The following PLEKHG4B variants were observed in gnomAD, a reference collection of about 807,000 sequenced individuals.
The protein encoded by PLEKHG4B is pleckstrin homology domain-containing family G member 4B.
Under a neutral mutation model 121.3 loss-of-function variants are expected in PLEKHG4B, and 111 were observed. That is an observed-to-expected ratio of 0.92 (90% CI 0.78 to 1.07). PLEKHG4B has a LOEUF of 1.07. PLEKHG4B is among the 50% of genes least tolerant of loss of function. The pLI is 0.00. For synonymous variants in PLEKHG4B, 738 were observed against 725.0 expected (o/e 1.02, Z -0.29); for missense variants, 1,831 against 1,757.8 (o/e 1.04, Z -0.74).
intron 12 of PLEKHG4B, 30 bp from the exon 13 acceptor site, chr5:162,692 G>A: frequency 7.1e-7 from 1 of 1,414,386 alleles, no homozygotes; most frequent in Non-Finnish European, 9.3e-7. Context: ...CTCCTCCACT[G>A]CACTGAGCAG....
Position 134,053 on chromosome 5 carries a change from G to A in PLEKHG4B, c.244-5430G>A, listed in dbSNP as rs552200021. On this transcript the variant is annotated intron_variant, in intron 2 of 19. Coordinates refer to ENST00000637938, the MANE Select transcript of PLEKHG4B (RefSeq NM_052909.5). ...ATATATATAGATAGAATATATATATGATAGAATATATATATATGATAGAAT... is the reference window on the plus strand; with the variant it reads ...ATATATATAGATAGAATATATATATAATAGAATATATATATATGATAGAAT... 4.2e-3 allele frequency among the ~76,000 whole-genome samples: 401 copies of A among 96,540 alleles called. 5 individuals are homozygous for A. Among genetic ancestry groups the A allele is most frequent in the Non-Finnish European group, 6.6e-3 (313 of 47,162 alleles). 63.3% of individuals were successfully genotyped at this position (96,540 alleles called of 152,430 possible).
At chr5:147,358 T>C (rs909385901) in intron 6 of PLEKHG4B, among the ~76,000 whole-genome samples, 5 of 152,168 alleles carry the variant, frequency 3.3e-5, no homozygotes, top group Admixed American at 2.6e-4. Context: ...GCATGAGCTG[T>C]CCCTGGTTGG....
intron 2 of PLEKHG4B, among the ~76,000 whole-genome samples, chr5:124,292 A>T (rs1267247043): frequency 6.6e-6 from 1 of 152,220 alleles, no homozygotes; most frequent in African/African-American, 2.4e-5. Flanking sequence ...TCATGTGTGC[A>T]CTTGAGAAGC....
chr5:141,539 G>A (rs1040128544), intron 3 of PLEKHG4B, among the ~76,000 whole-genome samples: 1 of 150,990 alleles, frequency 6.6e-6, no homozygotes. Flanking sequence ...GCTGGATTCG[G>A]GGCCCCTCTA....
chr5:160,846 G>A (rs1007444338), intron 11 of PLEKHG4B, among the ~76,000 whole-genome samples: 13 of 152,288 alleles, frequency 8.5e-5, no homozygotes, highest in African/African-American at 2.4e-4. Context: ...TGCCGAAGCC[G>A]CACCTGCCCC....
intron 11 of PLEKHG4B, among the ~76,000 whole-genome samples, chr5:158,748 T>TGTC (rs1727195316): frequency 8.4e-6 from 1 of 118,532 alleles, no homozygotes; most frequent in Non-Finnish European, 1.8e-5. Context: ...CTTCCTGGGG[T>TGTC]GTCTCCCCCA....
chr5:155,436 C>T lies in PLEKHG4B; in HGVS notation c.2201C>T (p.Thr734Ile), dbSNP rs1260416123. The T allele has an allele frequency of 6.2e-7, 1 of 1,613,618 alleles. No individual in the cohort carries two copies. The highest frequency in any genetic ancestry group is 8.5e-7 in the Non-Finnish European group (1 of 1,179,506). Residue 734 changes from threonine to isoleucine, a missense_variant, in exon 9 of 20, where the codon ACA (threonine) becomes ATA (isoleucine). Coordinates refer to ENST00000637938, the MANE Select transcript of PLEKHG4B (RefSeq NM_052909.5). ...CSLNTHRTPR[T>I]AQEVAELIDQ... Reference sequence around the variant, plus strand: ...CTGAACACCCACAGAACCCCAAGAACAGCCCAGGTGAGTCCTCAGACTTGC... The same window carrying T: ...CTGAACACCCACAGAACCCCAAGAATAGCCCAGGTGAGTCCTCAGACTTGC...
At chr5:101,082 A>G (rs1170152162) in intron 1 of PLEKHG4B, among the ~76,000 whole-genome samples, 4 of 96,546 alleles carry the variant, frequency 4.1e-5, no homozygotes, top group East Asian at 2.9e-4. Context: ...AAGCCCTGGA[A>G]AAAGTCTGTA....
rs1736754424 is a variant in PLEKHG4B at position 176,157 on chromosome 5, AC to A, written c.4402+2064del. Among the ~76,000 whole-genome samples the A allele has an allele frequency of 1.7e-5, 2 of 115,940 alleles. 1 individual carries two copies. The highest frequency in any genetic ancestry group is 4.4e-5 in the Non-Finnish European group (2 of 45,974). The allele number at this position is 115,940 out of a possible 152,430, so 76.1% of individuals were successfully genotyped here. A position where few individuals can be genotyped will look rare whatever the true frequency, so the allele number is the denominator to read the frequency against. ...GCCCCCAGCCTCCTGGCTACTCCAC[AC>A]CCCCGTGGGCTTCACCCCTGTGCAG... On this transcript the variant is annotated intron_variant, in intron 18 of 19. Transcript: ENST00000637938.
Position 140,303 on chromosome 5 carries a change from C to A in PLEKHG4B, c.1064C>A (p.Ser355Ter). 5.4e-6 allele frequency: 8 copies of A among 1,491,848 alleles called. No individual in the cohort carries two copies. The highest frequency in any genetic ancestry group is 1.4e-5 in the South Asian group (1 of 72,672). 92.4% of individuals were successfully genotyped at this position (1,491,848 alleles called of 1,614,324 possible). A position where few individuals can be genotyped will look rare whatever the true frequency, so the allele number is the denominator to read the frequency against. The change falls in exon 3 of 20, where the codon TCG (serine) becomes TAG (stop). Residue 355 changes from serine (S) to a stop codon, truncating the protein, a stop_gained. Coordinates refer to ENST00000637938, the MANE Select transcript of PLEKHG4B (RefSeq NM_052909.5). LOFTEE classifies it high-confidence loss of function. Reference sequence around the variant, plus strand: ...CAGCCTAGACGCTGGTTCAGGGAGTCGTACATGGAAGCCTTGCGGAACCCC... The same window carrying A: ...CAGCCTAGACGCTGGTTCAGGGAGTAGTACATGGAAGCCTTGCGGAACCCC... ...CVQPRRWFRE[S>*]YMEALRNPMP...
intron 11 of PLEKHG4B, among the ~76,000 whole-genome samples, chr5:161,515 G>A (rs907780089): frequency 7.9e-5 from 12 of 152,148 alleles, no homozygotes; most frequent in Admixed American, 4.6e-4. Context: ...TCCCTCCCTC[G>A]GTCCTGCTAA....
At chr5:116,460 T>C (rs1197185114) in intron 2 of PLEKHG4B, among the ~76,000 whole-genome samples, 1 of 152,128 alleles carries the variant, frequency 6.6e-6, no homozygotes, top group African/African-American at 2.4e-5. Flanking sequence ...ACGTGAAAAA[T>C]GCATTATCTG....
chr5:153,490 C>T (rs373638288), intron 7 of PLEKHG4B, among the ~76,000 whole-genome samples: 4 of 152,132 alleles, frequency 2.6e-5, no homozygotes, highest in African/African-American at 9.7e-5. Flanking sequence ...CTGAGTCTTC[C>T]CCCATGTATG....
At chr5:119,130 G>A (rs576133665) in intron 2 of PLEKHG4B, among the ~76,000 whole-genome samples, 6 of 152,238 alleles carry the variant, frequency 3.9e-5, no homozygotes, top group Admixed American at 3.9e-4. Context: ...AAACCACTGG[G>A]ATTACAGGTG....
At chr5:155,957 G>C in intron 9 of PLEKHG4B, 114 bp from the exon 10 acceptor site, 5 of 1,139,736 alleles carry the variant, frequency 4.4e-6, no homozygotes, top group Non-Finnish European at 6.0e-6. Flanking sequence ...CTGTCATGCC[G>C]CCAGGCCTGC....
intron 5 of PLEKHG4B, 47 bp from the exon 6 acceptor site, chr5:144,780 G>C: frequency 6.6e-7 from 1 of 1,523,690 alleles, no homozygotes; most frequent in South Asian, 1.1e-5. Context: ...GTTCTTGTAA[G>C]AGATTTAACC....
rs1251803485 is a variant in PLEKHG4B at position 162,859 on chromosome 5, G to GC, written c.2789dup (p.His931SerfsTer30). 12 of 1,518,092 alleles carry GC rather than the reference G, an allele frequency of 7.9e-6. No individual in the cohort carries two copies. Among genetic ancestry groups the GC allele is most frequent in the East Asian group, 2.4e-5 (1 of 42,288 alleles). 94.0% of individuals were successfully genotyped at this position (1,518,092 alleles called of 1,614,324 possible). A position where few individuals can be genotyped will look rare whatever the true frequency, so the allele number is the denominator to read the frequency against. On this transcript the variant is annotated frameshift_variant, in exon 13 of 20. Coordinates refer to ENST00000637938, the MANE Select transcript of PLEKHG4B (RefSeq NM_052909.5). LOFTEE classifies it high-confidence loss of function. Reference sequence around the variant, plus strand: ...CCGGGGCAGGTGTGGCAGTGCTGAAGCCTCATGCCCTGGGGAAACCGTGGG... The same window carrying GC: ...CCGGGGCAGGTGTGGCAGTGCTGAAGCCCTCATGCCCTGGGGAAACCGTGGG...
rs570340306 is a variant in PLEKHG4B at position 159,637 on chromosome 5, G to A, written c.2488-2146G>A. 1.3e-4 allele frequency among the ~76,000 whole-genome samples: 20 copies of A among 152,184 alleles called. No homozygotes were observed. Among genetic ancestry groups the A allele is most frequent in the African/African-American group, 3.9e-4 (16 of 41,520 alleles). On this transcript the variant is annotated intron_variant, in intron 11 of 19. Transcript: ENST00000637938. The surrounding 1 kb of genome is among the most constrained non-coding windows in gnomAD (Gnocchi z 5.5). ...GTGGCTTCTGTGGGTTTGTTCTGGC[G>A]CCAGAGGCTTTCCTGGCGACCCCTG...
intron 12 of PLEKHG4B, 37 bp downstream of exon 12, chr5:161,981 G>C (rs200910691): frequency 1.3e-6 from 2 of 1,561,558 alleles, no homozygotes; most frequent in Non-Finnish European, 8.7e-7. Context: ...CAGGGATCCC[G>C]GCTCCTTAGG....
Sources: gnomAD v4.1 joint callset for allele counts (sites outside exome capture counted in the v4.1 genomes callset) on GRCh38, gnomAD v4.1.1 for gene constraint, Gnocchi (gnomAD v3.1) non-coding constraint, MANE v1.5 for transcripts, NCBI Gene and HGNC (gene_info 2026-07-23, HGNC 2026-07-21) for gene names.